OBI1: variants seen among roughly 807,000 people sequenced by gnomAD.
OBI1 encodes the protein ORC ubiquitin ligase 1, also known as ring finger protein 219.
OBI1 carries 59 observed loss-of-function variants against 62.4 expected under a neutral mutation model. The observed-to-expected ratio is 0.95, with a 90% CI of 0.77 to 1.17. OBI1 has a LOEUF of 1.17. Ranked by LOEUF, OBI1 falls within the 50% of genes most tolerant of loss-of-function variation. The probability of loss-of-function intolerance (pLI) is 0.00; values close to 1 mark genes in which losing one functional copy is unlikely to be tolerated. For synonymous variants in OBI1, 302 were observed against 292.8 expected (o/e 1.03, Z -0.32); for missense variants, 875 against 830.9 (o/e 1.05, Z -0.65).
rs768717992 is a variant in OBI1 at position 78,642,190 on chromosome 13, T to C, written c.232A>G (p.Met78Val). ...IIGGTSESEP[M>V]LSHTVRKHLR... The stretch of plus-strand genomic sequence containing the variant: ...TGCTTCCTGACCGTATGGCTTAGCA[T>C]AGGTTCACTTTCACTTGTTCCTCCT... Residue 78 changes from methionine to valine, a missense_variant, in exon 3 of 6, where the codon ATG becomes GTG. Coordinates refer to ENST00000282003, the MANE Select transcript of OBI1 (RefSeq NM_024546.4). 44 of 1,608,228 alleles carry C rather than the reference T, an allele frequency of 2.7e-5. No individual in the cohort carries two copies. The highest frequency in any genetic ancestry group is 1.6e-4 in the Middle Eastern group (1 of 6,066).
At chr13:78,631,004 G>A (rs561713198) in intron 5 of OBI1, among the ~76,000 whole-genome samples, 85 of 152,226 alleles carry the variant, frequency 5.6e-4, no homozygotes, top group Admixed American at 1.1e-3. Context: ...ATGCTAACAA[G>A]TCCACATTGC....
chr13:78,643,063 G>C (rs1338129983), intron 2 of OBI1, among the ~76,000 whole-genome samples: 2 of 152,164 alleles, frequency 1.3e-5, no homozygotes, highest in African/African-American at 4.8e-5. Context: ...TGATGCTCTG[G>C]TTACCTTCTT....
At chr13:78,624,122 A>T (rs1875595862) in intron 5 of OBI1, among the ~76,000 whole-genome samples, 1 of 152,248 alleles carries the variant, frequency 6.6e-6, no homozygotes, top group South Asian at 2.1e-4. Flanking sequence ...AATGAGAAAA[A>T]CTAAATGCAA....
Position 78,659,141 on chromosome 13 carries a change from C to A in OBI1, c.-21G>T. 1 of 1,607,572 alleles carries A rather than the reference C, an allele frequency of 6.2e-7. No homozygotes were observed. The highest frequency in any genetic ancestry group is 8.5e-7 in the Non-Finnish European group (1 of 1,176,880). On this transcript the variant is annotated 5_prime_UTR_variant, in exon 1 of 6. Coordinates refer to ENST00000282003, the MANE Select transcript of OBI1 (RefSeq NM_024546.4). ...GCCATGGCAGCGTTCAGAATCCCGC[C>A]AACACGGAAGTCCCGCCGACCTACC... is the stretch of plus-strand genomic sequence containing the variant.
intron 1 of OBI1, among the ~76,000 whole-genome samples, chr13:78,657,467 T>C (rs1876746480): frequency 6.6e-6 from 1 of 152,152 alleles, no homozygotes; most frequent in Non-Finnish European, 1.5e-5. Flanking sequence ...TAAGCTTTAA[T>C]ATTCTTATTT....
In OBI1 at chr13:78,616,094, T is replaced by C; in HGVS notation, c.1667A>G (p.Asn556Ser). Residue 556 changes from asparagine (N) to serine (S), a missense_variant, in exon 6 of 6, where the codon AAT (asparagine) becomes AGT (serine). By Grantham distance (46) the Asn-to-Ser change is conservative. Coordinates refer to ENST00000282003, the MANE Select transcript of OBI1 (RefSeq NM_024546.4). ...SESDNSKSPC[N>S]NGFKSLDLDG... The stretch of plus-strand genomic sequence containing the variant: ...CAAATCCAGTGACTTAAAACCGTTA[T>C]TACAAGGGCTCTTGCTGTTGTCTGA... 1 of 1,614,168 alleles carries C rather than the reference T, an allele frequency of 6.2e-7. No homozygotes were observed.
At chr13:78,627,681 G>T (rs1268879460) in intron 5 of OBI1, among the ~76,000 whole-genome samples, 1 of 152,142 alleles carries the variant, frequency 6.6e-6, no homozygotes, top group Non-Finnish European at 1.5e-5. Flanking sequence ...TATCACTGAT[G>T]GTCATCTGGG....
At chr13:78,635,420 T>C (rs1001727098) in intron 4 of OBI1, among the ~76,000 whole-genome samples, 1 of 152,224 alleles carries the variant, frequency 6.6e-6, no homozygotes, top group African/African-American at 2.4e-5. Context: ...GCAAATCTCC[T>C]GTCCAGGGAA....
chr13:78,646,959 G>T (rs1330871614), intron 1 of OBI1, among the ~76,000 whole-genome samples: 7 of 152,204 alleles, frequency 4.6e-5, no homozygotes, highest in Admixed American at 4.6e-4. Context: ...AACATGTGTT[G>T]CATGGAATCA....
At chr13:78,644,343 T>C (rs1185101114) in intron 2 of OBI1, among the ~76,000 whole-genome samples, 1 of 152,234 alleles carries the variant, frequency 6.6e-6, no homozygotes, top group Non-Finnish European at 1.5e-5. Context: ...AATTTACCTT[T>C]TGTCTTATCT....
intron 5 of OBI1, among the ~76,000 whole-genome samples, chr13:78,628,589 C>T (rs942532214): frequency 9.2e-5 from 14 of 152,048 alleles, no homozygotes; most frequent in African/African-American, 1.9e-4. Context: ...AAGAATTAGA[C>T]GAAGAAGAGG....
In OBI1 at chr13:78,644,958, A is replaced by G. The variant is rs1238358925; in HGVS notation, c.112T>C (p.Cys38Arg). Residue 38 changes from cysteine to arginine, a missense_variant, in exon 2 of 6, where the codon TGT becomes CGT. Coordinates refer to ENST00000282003, the MANE Select transcript of OBI1 (RefSeq NM_024546.4). ...AACCACAAATCAATACAAATCGAAC[A>G]AAATACATGGTTGTTGATGCATATG... ...PVICINNHVF[C>R]SICIDLWLKN... The G allele has an allele frequency of 6.2e-7, 1 of 1,613,886 alleles. No individual in the cohort carries two copies.
In OBI1 at chr13:78,642,218, AG is replaced by A; in HGVS notation, c.209-6del. ...GTTCACTTTCACTTGTTCCTCCTGT[AG>A]GGAAAAAAAAAAAAATCCTAATTTT... On this transcript the variant is annotated splice_polypyrimidine_tract_variant and splice_region_variant and intron_variant, in intron 2 of 5. Transcript: ENST00000282003. 4 of 1,517,128 alleles carry A rather than the reference AG, an allele frequency of 2.6e-6. No individual in the cohort carries two copies. Among genetic ancestry groups the A allele is most frequent in the South Asian group, 1.2e-5 (1 of 84,444 alleles). The allele number at this position is 1,517,128 out of a possible 1,614,324, so 94.0% of individuals were successfully genotyped here.
At chr13:78,617,970 T>C (rs990242356) in intron 5 of OBI1, among the ~76,000 whole-genome samples, 3 of 151,866 alleles carry the variant, frequency 2.0e-5, no homozygotes, top group Non-Finnish European at 4.4e-5. Flanking sequence ...CAAGAATGAG[T>C]ACTGTGTTAA....
intron 5 of OBI1, among the ~76,000 whole-genome samples, chr13:78,621,447 T>C (rs554349291): frequency 7.0e-4 from 106 of 152,300 alleles, no homozygotes; most frequent in African/African-American, 2.4e-3. Flanking sequence ...TCAGTTAACA[T>C]ACAGACAGCA....
At chr13:78,658,707 G>A (rs909893714) in intron 1 of OBI1, among the ~76,000 whole-genome samples, 2 of 152,188 alleles carry the variant, frequency 1.3e-5, no homozygotes, top group Non-Finnish European at 2.9e-5. Flanking sequence ...AGGCTGCAGA[G>A]GGAAGTTAAA....
At chr13:78,644,797 G>A (rs747644661) in intron 2 of OBI1, 65 bp downstream of exon 2, 10 of 1,535,814 alleles carry the variant, frequency 6.5e-6, no homozygotes, top group East Asian at 2.2e-5. Flanking sequence ...AGTCTTCCTC[G>A]AAATATAAAT....
chr13:78,650,611 G>A (rs1333525923), intron 1 of OBI1, among the ~76,000 whole-genome samples: 1 of 152,122 alleles, frequency 6.6e-6, no homozygotes, highest in Non-Finnish European at 1.5e-5. Flanking sequence ...GTCTGACCTT[G>A]GGTAAGCCCT....
At chr13:78,644,767 C>T in intron 2 of OBI1, 95 bp downstream of exon 2, 2 of 1,339,058 alleles carry the variant, frequency 1.5e-6, no homozygotes, top group Non-Finnish European at 2.1e-6. Context: ...CAAATAGCAT[C>T]ACTGAAAATA....
Sources: allele counts gnomAD v4.1 joint callset (sites outside exome capture counted in the v4.1 genomes callset), GRCh38; gene constraint gnomAD v4.1.1; transcripts MANE v1.5; gene names NCBI Gene and HGNC (gene_info 2026-07-23, HGNC 2026-07-21).